Variants in MLF1 observed in about 807,000 individuals in gnomAD.
MLF1 encodes myelodysplasia-myeloid leukemia factor 1.
MLF1 carries 37 observed loss-of-function variants against 38.3 expected under a neutral mutation model. The observed-to-expected ratio is 0.96, with a 90% CI of 0.74 to 1.27. The LOEUF (loss-of-function observed/expected upper bound fraction) is 1.27, where lower values mean the gene tolerates loss of function less well. Ranked by LOEUF, MLF1 falls within the 50% of genes most tolerant of loss-of-function variation. The probability of loss-of-function intolerance (pLI) is 0.00; values close to 1 mark genes in which losing one functional copy is unlikely to be tolerated. For synonymous variants in MLF1, 95 were observed against 106.5 expected (o/e 0.89, Z 0.66); for missense variants, 331 against 349.2 (o/e 0.95, Z 0.42).
chr3:158,572,292 G>T, intron 1 of MLF1, among the ~76,000 whole-genome samples: 1 of 139,102 alleles, frequency 7.2e-6, no homozygotes. Context: ...GACGGTTTGG[G>T]AGCATGAGGT....
chr3:158,585,888 G>A (rs543548954), intron 1 of MLF1, among the ~76,000 whole-genome samples: 10 of 152,292 alleles, frequency 6.6e-5, no homozygotes, highest in South Asian at 4.1e-4. Context: ...TAAGCTGGGC[G>A]TGGTGGCTCA....
chr3:158,593,338 A>G, intron 2 of MLF1, 44 bp from the exon 3 acceptor site: 7 of 1,427,284 alleles, frequency 4.9e-6, no homozygotes, highest in Non-Finnish European at 6.6e-6. Flanking sequence ...AAACTTCTAT[A>G]TAATAAATGT....
intron 1 of MLF1, 143 bp downstream of exon 1, chr3:158,571,490 G>A: frequency 1.1e-6 from 1 of 908,986 alleles, no homozygotes; most frequent in Non-Finnish European, 1.8e-6. Context: ...ACGAGGATTT[G>A]GAGGCCTGGG....
intron 3 of MLF1, among the ~76,000 whole-genome samples, chr3:158,594,963 A>G (rs1718675993): frequency 6.6e-6 from 1 of 152,134 alleles, no homozygotes; most frequent in African/African-American, 2.4e-5. Context: ...TGAGCTAGAG[A>G]TAATTTATTC....
chr3:158,584,719 A>AC (rs1301010756), intron 1 of MLF1, among the ~76,000 whole-genome samples: 1,465 of 145,334 alleles, frequency 0.01, 23 homozygotes, highest in African/African-American at 0.028. Flanking sequence ...TTATGTATAT[A>AC]CCCCCCCCTA....
chr3:158,571,403 A>C (rs779668820), intron 1 of MLF1, 56 bp downstream of exon 1: 2 of 1,609,244 alleles, frequency 1.2e-6, no homozygotes, highest in South Asian at 2.2e-5. Context: ...TATCGAGGGG[A>C]GCTATTTTAA....
At chr3:158,582,797 T>C (rs991683752) in intron 1 of MLF1, 15 of 634,664 alleles carry the variant, frequency 2.4e-5, no homozygotes, top group Admixed American at 8.6e-5. Flanking sequence ...AAACAAAAAT[T>C]TGGTGAATTT....
chr3:158,574,684 CAA>C (rs59567882), intron 1 of MLF1, among the ~76,000 whole-genome samples: 41,587 of 108,768 alleles, frequency 0.38, 5,946 homozygotes, highest in Non-Finnish European at 0.4. Flanking sequence ...AACACTGTCT[CAA>C]AAAAAAAAAA....
At chr3:158,575,194 A>T (rs959654) in intron 1 of MLF1, among the ~76,000 whole-genome samples, 50,353 of 152,056 alleles carry the variant, frequency 0.33, 8,486 homozygotes, top group Middle Eastern at 0.37. Context: ...AAATGCAAGG[A>T]GCCATATCAT....
intron 6 of MLF1, among the ~76,000 whole-genome samples, chr3:158,602,187 C>T (rs1238215336): frequency 6.6e-6 from 1 of 152,048 alleles, no homozygotes; most frequent in Non-Finnish European, 1.5e-5. Flanking sequence ...TATTTGTAAC[C>T]TCTGTAATTT....
intron 7 of MLF1, among the ~76,000 whole-genome samples, chr3:158,604,733 A>ACTGCAACCTCCACCTCC (rs1720281343): frequency 6.6e-6 from 1 of 151,992 alleles, no homozygotes; most frequent in Non-Finnish European, 1.5e-5. Flanking sequence ...ATCTCAACTC[A>ACTGCAACCTCCACCTCC]CTGCAACCTC....
chr3:158,600,239 T>G, intron 6 of MLF1, 66 bp downstream of exon 6: 3 of 870,024 alleles, frequency 3.4e-6, no homozygotes, highest in Non-Finnish European at 4.6e-6. Flanking sequence ...ACTTGATGAA[T>G]TTTTTTTTAG....
At chr3:158,585,241 C>A (rs758306272) in intron 1 of MLF1, among the ~76,000 whole-genome samples, 1 of 151,890 alleles carries the variant, frequency 6.6e-6, no homozygotes, top group Admixed American at 6.6e-5. Context: ...TAAGTGAGTT[C>A]TCACTTTATT....
At chr3:158,596,097 A>C (rs1186011091) in intron 3 of MLF1, among the ~76,000 whole-genome samples, 2 of 152,080 alleles carry the variant, frequency 1.3e-5, no homozygotes, top group Non-Finnish European at 2.9e-5. Context: ...GTTAAGCTGC[A>C]TCCCTGACCT....
At chr3:158,594,082 C>G (rs1718555217) in intron 3 of MLF1, among the ~76,000 whole-genome samples, 1 of 151,854 alleles carries the variant, frequency 6.6e-6, no homozygotes, top group African/African-American at 2.4e-5. Context: ...TCATTTGTTT[C>G]CTTGAAGTTT....
Position 158,598,280 on chromosome 3 carries a change from A to G in MLF1, c.453+72A>G, listed in dbSNP as rs1484424846. The G allele has an allele frequency of 7.4e-6, 11 of 1,490,866 alleles. No individual in the cohort carries two copies. In the African/African-American group the frequency reaches 9.9e-5, roughly 13 times the overall value. The allele number at this position is 1,490,866 out of a possible 1,614,324, so 92.4% of individuals were successfully genotyped here. ...GATAGACTGTCTAGATCAAATTTTA[A>G]CTATTAAAATTTAATCTGGTACAAG... is the stretch of plus-strand genomic sequence containing the variant. On this transcript the variant is annotated intron_variant, in intron 5 of 7. Transcript: ENST00000466246.
chr3:158,591,661 A>C (rs1718171745), intron 1 of MLF1, among the ~76,000 whole-genome samples: 1 of 152,134 alleles, frequency 6.6e-6, no homozygotes, highest in South Asian at 2.1e-4. Flanking sequence ...GTGTACCTTA[A>C]GTTCTAGAAC....
At chr3:158,579,612 T>C (rs1716019332) in intron 1 of MLF1, among the ~76,000 whole-genome samples, 1 of 152,228 alleles carries the variant, frequency 6.6e-6, no homozygotes, top group South Asian at 2.1e-4. Context: ...AAATTTTAAA[T>C]GAGCCATATT....
At position 158,590,037 on chromosome 3, in the gene MLF1, A is replaced by G. The variant is rs1379752692; in HGVS notation, c.48-2397A>G. 2.0e-5 allele frequency among the ~76,000 whole-genome samples: 3 copies of G among 152,200 alleles called. No homozygotes were observed. In the East Asian group the frequency reaches 5.8e-4, roughly 29 times the overall value. ...ATACACATTAGCAAAATGTGGTAAA[A>G]ACTGAAGACCTAACAAAGATTCATG... On this transcript the variant is annotated intron_variant, in intron 1 of 7. Transcript: ENST00000466246.
Sources: allele counts gnomAD v4.1 joint callset (sites outside exome capture counted in the v4.1 genomes callset), GRCh38; gene constraint gnomAD v4.1.1; transcripts MANE v1.5; gene names NCBI Gene and HGNC (gene_info 2026-07-23, HGNC 2026-07-21).